GRIN2A: variants seen among roughly 807,000 people sequenced by gnomAD.
GRIN2A encodes glutamate receptor ionotropic, NMDA 2A.
In GRIN2A, 22 loss-of-function variants were observed where a neutral mutation model predicts 113.4. The observed-to-expected ratio is 0.19, with a 90% CI of 0.14 to 0.28. GRIN2A has a LOEUF of 0.28. Ranked by LOEUF, GRIN2A falls within the 10% of genes least tolerant of loss-of-function variation. The pLI, the probability that GRIN2A is intolerant of heterozygous loss-of-function variation, is 1.00. For missense variants in GRIN2A, 1,502 were observed against 1,887.0 expected (o/e 0.80, Z 3.78); for synonymous variants, 827 against 738.4 (o/e 1.12, Z -1.94).
At position 9,793,742 on chromosome 16, in the gene GRIN2A, C is replaced by A. The variant is rs140470755; in HGVS notation, c.2356+4535G>T. ...ACCATTCTCTTATCTACCCAACACA[C>A]CTAAGAATATATATGTATGTATATA... On this transcript the variant is annotated intron_variant, in intron 11 of 12. Transcript: ENST00000330684. Among the ~76,000 whole-genome samples, 573 of 152,060 alleles carry A rather than the reference C, an allele frequency of 3.8e-3. 2 individuals carry two copies. Among genetic ancestry groups the A allele is most frequent in the African/African-American group, 0.013 (544 of 41,468 alleles).
intron 2 of GRIN2A, among the ~76,000 whole-genome samples, chr16:9,965,234 A>C (rs1330559469): frequency 6.6e-6 from 1 of 152,222 alleles, no homozygotes; most frequent in Admixed American, 6.5e-5. Flanking sequence ...CCATACCAAC[A>C]GCTAGAACAG....
intron 2 of GRIN2A, among the ~76,000 whole-genome samples, chr16:10,005,875 C>T (rs968741411): frequency 2.6e-5 from 4 of 152,174 alleles, no homozygotes; most frequent in African/African-American, 9.7e-5. Context: ...ATTTCTAATG[C>T]AACCACATAT....
At chr16:10,021,632 A>C (rs1407765804) in intron 2 of GRIN2A, among the ~76,000 whole-genome samples, 1 of 152,180 alleles carries the variant, frequency 6.6e-6, no homozygotes, top group Non-Finnish European at 1.5e-5. Flanking sequence ...GAGATGATGC[A>C]TAATGATGAG....
chr16:10,090,644 A>C (rs2048168543), intron 2 of GRIN2A, among the ~76,000 whole-genome samples: 1 of 152,208 alleles, frequency 6.6e-6, no homozygotes, highest in African/African-American at 2.4e-5. Context: ...TTAGACACAA[A>C]ACCATTCATT....
intron 3 of GRIN2A, among the ~76,000 whole-genome samples, chr16:9,893,751 G>A (rs2141490926): frequency 6.6e-6 from 1 of 152,308 alleles, no homozygotes; most frequent in South Asian, 2.1e-4. Flanking sequence ...ACAGGCATGA[G>A]CCACCACACC....
chr16:10,064,695 C>A (rs2038091267), intron 2 of GRIN2A, among the ~76,000 whole-genome samples: 1 of 152,220 alleles, frequency 6.6e-6, no homozygotes, highest in African/African-American at 2.4e-5. Flanking sequence ...CTACTAACAA[C>A]CCCAGGTGCA....
rs530506562 is a variant in GRIN2A at position 9,812,468 on chromosome 16, G to A, written c.2168+9796C>T. ...AGCCTGGCCAACATGGCGAAACCCCGTCTCTGCTAAAAATACAAAAATTAA... is the reference window on the plus strand; with the variant it reads ...AGCCTGGCCAACATGGCGAAACCCCATCTCTGCTAAAAATACAAAAATTAA... On this transcript the variant is annotated intron_variant, in intron 10 of 12. Coordinates refer to ENST00000330684, the MANE Select transcript of GRIN2A (RefSeq NM_001134407.3). Among the ~76,000 whole-genome samples the A allele has an allele frequency of 2.0e-3, 301 of 152,118 alleles. 1 individual carries two copies. The highest frequency in any genetic ancestry group is 6.1e-3 in the African/African-American group (254 of 41,490).
At chr16:9,836,040 A>T (rs2042578987) in intron 7 of GRIN2A, among the ~76,000 whole-genome samples, 1 of 152,250 alleles carries the variant, frequency 6.6e-6, no homozygotes, top group Admixed American at 6.5e-5. Context: ...TGTCCCTGAA[A>T]TAATAGCAAT....
At chr16:9,830,927 T>C (rs1386043521) in intron 8 of GRIN2A, among the ~76,000 whole-genome samples, 1 of 152,214 alleles carries the variant, frequency 6.6e-6, no homozygotes, top group Non-Finnish European at 1.5e-5. Flanking sequence ...TTTAGTTTTT[T>C]TAGGGATGCA....
At chr16:10,005,340 T>G (rs902600767) in intron 2 of GRIN2A, among the ~76,000 whole-genome samples, 11 of 152,254 alleles carry the variant, frequency 7.2e-5, no homozygotes, top group African/African-American at 2.7e-4. Flanking sequence ...CAACTGCTGT[T>G]TATATTTGTA....
chr16:9,978,023 G>A (rs1053293984), intron 2 of GRIN2A, among the ~76,000 whole-genome samples: 5 of 152,224 alleles, frequency 3.3e-5, no homozygotes, highest in Admixed American at 3.3e-4. Flanking sequence ...GATGCTGGCT[G>A]TGCCATATAT....
intron 2 of GRIN2A, among the ~76,000 whole-genome samples, chr16:10,045,182 A>G (rs1317436787): frequency 6.6e-6 from 1 of 152,198 alleles, no homozygotes; most frequent in Non-Finnish European, 1.5e-5. Context: ...ACCAGGGTGC[A>G]GACATGATTC....
chr16:9,861,078 G>A (rs2141397967), intron 4 of GRIN2A, among the ~76,000 whole-genome samples: 1 of 152,298 alleles, frequency 6.6e-6, no homozygotes. Flanking sequence ...AACAACAGAA[G>A]CAGAGTTCAG....
At chr16:9,890,395 C>T (rs867846796) in intron 4 of GRIN2A, among the ~76,000 whole-genome samples, 2 of 152,184 alleles carry the variant, frequency 1.3e-5, no homozygotes, top group African/African-American at 4.8e-5. Flanking sequence ...CAGGTCATGA[C>T]ATGTATGGTA....
intron 2 of GRIN2A, among the ~76,000 whole-genome samples, chr16:10,119,306 G>A (rs947347778): frequency 6.6e-6 from 1 of 152,182 alleles, no homozygotes; most frequent in Non-Finnish European, 1.5e-5. Context: ...TAGAATGAGC[G>A]TTACCCATTT....
At position 9,938,010 on chromosome 16, in the gene GRIN2A, C is replaced by T. The variant is rs776559667; in HGVS notation, c.956G>A (p.Ser319Asn). ...KFSYIPEAKA[S>N]CYGQMERPEV... is the part of the protein sequence containing the mutation. ...TGGCCTCTCCATCTGCCCGTAGCAG[C>T]TGGCCTTGGCCTCGGGGATGTAGGA... The change falls in exon 3 of 13, where the codon AGC becomes AAC. Residue 319 changes from serine (S) to asparagine (N), a missense_variant. By Grantham distance (46) the Ser-to-Asn change is conservative. This residue lies in a region of GRIN2A where 334 missense variants were observed against 403.0 expected (regional missense o/e 0.83). Transcript: ENST00000330684. 3 of 1,614,092 alleles carry T rather than the reference C, an allele frequency of 1.9e-6. No homozygotes were observed. Among genetic ancestry groups the T allele is most frequent in the Non-Finnish European group, 2.5e-6 (3 of 1,179,988 alleles).
chr16:9,998,969 C>A (rs187892478), intron 2 of GRIN2A, among the ~76,000 whole-genome samples: 5 of 152,212 alleles, frequency 3.3e-5, no homozygotes, highest in Admixed American at 3.3e-4. Flanking sequence ...TACAAAGAAT[C>A]CTTATTTCTT....
intron 9 of GRIN2A, among the ~76,000 whole-genome samples, chr16:9,825,911 T>G (rs2141302948): frequency 6.6e-6 from 1 of 151,340 alleles, no homozygotes; most frequent in Middle Eastern, 3.4e-3. Flanking sequence ...GCAATAACAT[T>G]TCAGGCCCCA....
chr16:9,811,902 T>A (rs1210786016), intron 10 of GRIN2A, among the ~76,000 whole-genome samples: 5 of 152,228 alleles, frequency 3.3e-5, no homozygotes. Context: ...TAGAAGAAAT[T>A]CATTTCCTCC....
Sources: allele counts gnomAD v4.1 joint callset (sites outside exome capture counted in the v4.1 genomes callset), GRCh38; gene constraint gnomAD v4.1.1; regional missense constraint gnomAD v4.1.1; transcripts MANE v1.5; gene names NCBI Gene and HGNC (gene_info 2026-07-23, HGNC 2026-07-21).